The following SLC41A2 variants were observed in gnomAD, a reference collection of about 807,000 sequenced individuals.
SLC41A2 encodes the protein SLC41A1-like 1.
A neutral mutation model predicts 58.3 loss-of-function variants in SLC41A2; 32 were observed. The ratio of observed to expected loss-of-function variants is 0.55; its 90% CI spans 0.41 to 0.74. The LOEUF (loss-of-function observed/expected upper bound fraction) is 0.74, where lower values mean the gene tolerates loss of function less well. Ranked by LOEUF, SLC41A2 falls within the 30% of genes least tolerant of loss-of-function variation. The probability of loss-of-function intolerance (pLI) is 0.00; values close to 1 mark genes in which losing one functional copy is unlikely to be tolerated. For synonymous variants in SLC41A2, 190 were observed against 235.0 expected, an observed-to-expected ratio of 0.81 and a Z score of 1.75; for missense variants, 514 against 680.6, an observed-to-expected ratio of 0.76 and a Z score of 2.72.
At chr12:104,903,688 C>T (rs2045670179) in intron 3 of SLC41A2, among the ~76,000 whole-genome samples, 3 of 152,200 alleles carry the variant, frequency 2.0e-5, no homozygotes, top group South Asian at 4.1e-4. Context: ...TCACAAATGG[C>T]CTCAACACTT....
At chr12:104,868,035 T>C (rs1219363355) in intron 6 of SLC41A2, among the ~76,000 whole-genome samples, 1 of 151,876 alleles carries the variant, frequency 6.6e-6, no homozygotes. Flanking sequence ...ATCTTTAAAA[T>C]AATTATACTA....
intron 6 of SLC41A2, among the ~76,000 whole-genome samples, chr12:104,871,722 C>T (rs11112219): frequency 0.075 from 11,349 of 152,142 alleles, 483 homozygotes; most frequent in Middle Eastern, 0.11. Flanking sequence ...CTTCTAATCA[C>T]GTTAATTGGA....
chr12:104,849,115 AGAT>A (rs2042712589), intron 8 of SLC41A2, among the ~76,000 whole-genome samples: 1 of 152,224 alleles, frequency 6.6e-6, no homozygotes, highest in South Asian at 2.1e-4. Context: ...AAGTTTTGCA[AGAT>A]GATAACGAAT....
At chr12:104,833,774 T>A (rs761984376) in intron 10 of SLC41A2, among the ~76,000 whole-genome samples, 12 of 147,986 alleles carry the variant, frequency 8.1e-5, no homozygotes, top group Non-Finnish European at 1.8e-4. Flanking sequence ...ATCATTCAGG[T>A]CAGTGTTTTG....
At chr12:104,903,865 T>C (rs561643732) in intron 3 of SLC41A2, among the ~76,000 whole-genome samples, 263 of 152,300 alleles carry the variant, frequency 1.7e-3, no homozygotes, top group African/African-American at 6.1e-3. Flanking sequence ...AGACCACAGA[T>C]GGCAAGCTTC....
intron 3 of SLC41A2, among the ~76,000 whole-genome samples, chr12:104,901,441 A>T (rs897787682): frequency 6.6e-6 from 1 of 152,208 alleles, no homozygotes; most frequent in African/African-American, 2.4e-5. Flanking sequence ...GTTAATCATC[A>T]TAACTTTAGA....
At chr12:104,864,651 T>C (rs1490739191) in intron 7 of SLC41A2, among the ~76,000 whole-genome samples, 1 of 152,146 alleles carries the variant, frequency 6.6e-6, no homozygotes, top group Non-Finnish European at 1.5e-5. Flanking sequence ...CACCTCCTAT[T>C]GTCTATCTCT....
chr12:104,808,297 A>C (rs1227820789), intron 10 of SLC41A2, among the ~76,000 whole-genome samples: 1 of 152,208 alleles, frequency 6.6e-6, no homozygotes, highest in Non-Finnish European at 1.5e-5. Context: ...ATTTTGTCAA[A>C]GGCCTTTTCT....
At position 104,942,681 on chromosome 12, in the gene SLC41A2, CA is replaced by C. The variant is rs1238547230; in HGVS notation, c.-167-13988del. On this transcript the variant is annotated intron_variant, in intron 1 of 10. Transcript: ENST00000258538. ...ATTGAGCCAGCTTTTTTTACTTTAG[CA>C]GTGAGGAAACTTACAGCTACGTCTG... 2.6e-5 allele frequency among the ~76,000 whole-genome samples: 4 copies of C among 152,186 alleles called. No homozygotes were observed. The East Asian group carries it at 7.7e-4, about 29-fold the overall frequency.
At chr12:104,809,066 T>G (rs1354000055) in intron 10 of SLC41A2, among the ~76,000 whole-genome samples, 1 of 152,214 alleles carries the variant, frequency 6.6e-6, no homozygotes, top group Non-Finnish European at 1.5e-5. Flanking sequence ...TTACTCAACC[T>G]TTCTGACTCT....
At chr12:104,856,224 C>CA (rs1177203355) in intron 8 of SLC41A2, among the ~76,000 whole-genome samples, 1 of 151,506 alleles carries the variant, frequency 6.6e-6, no homozygotes, top group Non-Finnish European at 1.5e-5. Flanking sequence ...TTGAAGAATA[C>CA]AAAGAGACAG....
chr12:104,861,234 A>C, intron 8 of SLC41A2, 57 bp downstream of exon 8: 1 of 1,298,462 alleles, frequency 7.7e-7, no homozygotes. Flanking sequence ...ATAGTACCTA[A>C]GACTAAGAGG....
At chr12:104,936,908 T>C (rs1455077939) in intron 1 of SLC41A2, among the ~76,000 whole-genome samples, 1 of 152,230 alleles carries the variant, frequency 6.6e-6, no homozygotes, top group Non-Finnish European at 1.5e-5. Flanking sequence ...AAGCTAAGTA[T>C]TATTACAAAA....
intron 10 of SLC41A2, among the ~76,000 whole-genome samples, chr12:104,841,214 T>G (rs2042397900): frequency 6.6e-6 from 1 of 152,176 alleles, no homozygotes; most frequent in South Asian, 2.1e-4. Flanking sequence ...CTGATCACTG[T>G]TAGAAGTTGT....
At chr12:104,808,124 A>C (rs2041001671) in intron 10 of SLC41A2, among the ~76,000 whole-genome samples, 1 of 152,148 alleles carries the variant, frequency 6.6e-6, no homozygotes, top group Non-Finnish European at 1.5e-5. Context: ...GTGGTGAGAG[A>C]GGACATCCCT....
At chr12:104,893,747 GC>G (rs2045133868) in intron 4 of SLC41A2, among the ~76,000 whole-genome samples, 1 of 152,176 alleles carries the variant, frequency 6.6e-6, no homozygotes, top group African/African-American at 2.4e-5. Context: ...ACTGAAATAA[GC>G]TGAGCAGAAA....
Position 104,826,125 on chromosome 12 carries a change from G to A in SLC41A2, c.1536+18347C>T, listed in dbSNP as rs117867579. ...CCTCTATTCCCTGTCTTTCAGAATG[G>A]GCAAACAGTTCTCTTCACCACCGCC... On this transcript the variant is annotated intron_variant, in intron 10 of 10. Coordinates refer to ENST00000258538, the MANE Select transcript of SLC41A2 (RefSeq NM_001352171.3). Among the ~76,000 whole-genome samples, 1,316 of 152,200 alleles carry A rather than the reference G, an allele frequency of 8.6e-3. 36 individuals are homozygous for A. The East Asian group carries it at 0.12, about 14-fold the overall frequency.
At chr12:104,947,199 T>C (rs867157217) in intron 1 of SLC41A2, among the ~76,000 whole-genome samples, 5 of 130,506 alleles carry the variant, frequency 3.8e-5, no homozygotes, top group African/African-American at 6.2e-5. Context: ...TTTGTCCTTT[T>C]TTTTTTTTTT....
chr12:104,826,844 G>A (rs560429900), intron 10 of SLC41A2, among the ~76,000 whole-genome samples: 1 of 152,350 alleles, frequency 6.6e-6, no homozygotes, highest in Admixed American at 6.5e-5. Context: ...GATGGACGCT[G>A]AGAAGCAGGC....
Sources: gnomAD v4.1 joint callset for allele counts (sites outside exome capture counted in the v4.1 genomes callset) on GRCh38, gnomAD v4.1.1 for gene constraint, MANE v1.5 for transcripts, NCBI Gene and HGNC (gene_info 2026-07-23, HGNC 2026-07-21) for gene names.